GUCA1C: variants seen among roughly 807,000 people sequenced by gnomAD.
The protein encoded by GUCA1C is guanylyl cyclase-activating protein 3.
Under a neutral mutation model 16.2 loss-of-function variants are expected in GUCA1C, and 15 were observed. That is an observed-to-expected ratio of 0.93 (90% CI 0.62 to 1.43). The LOEUF (loss-of-function observed/expected upper bound fraction) is 1.43. Ranked by LOEUF, GUCA1C falls within the 40% of genes most tolerant of loss-of-function variation. The pLI, the probability that GUCA1C is intolerant of heterozygous loss-of-function variation, is 0.00. For synonymous variants in GUCA1C, 78 were observed against 85.4 expected (o/e 0.91, Z 0.48); for missense variants, 275 against 244.8 (o/e 1.12, Z -0.82).
At chr3:108,916,264 C>A (rs1238827484) in intron 2 of GUCA1C, 50 bp from the exon 3 acceptor site, 2 of 1,571,972 alleles carry the variant, frequency 1.3e-6, no homozygotes, top group Non-Finnish European at 1.7e-6. Flanking sequence ...GAAGCAAATA[C>A]ATTTTGCAAC....
rs1559841799 is a variant in GUCA1C at position 108,920,524 on chromosome 3, A to C, written c.266T>G (p.Met89Arg). Residue 89 changes from methionine (M) to arginine (R), a missense_variant, in exon 2 of 4, where the codon ATG (methionine) becomes AGG (arginine). Transcript: ENST00000261047. ...AAVNLIMQEK[M>R]EQKLKWYFKL... is the part of the protein sequence containing the mutation. ...AAAATACCATTTTAATTTTTGCTCC[A>C]TTTTTTCTTGCATGATTAGATTTAC... 5.7e-6 allele frequency: 9 copies of C among 1,591,900 alleles called. No individual in the cohort carries two copies. Among genetic ancestry groups the C allele is most frequent in the Non-Finnish European group, 7.8e-6 (9 of 1,160,302 alleles).
At chr3:108,954,965 T>C (rs1411768047), upstream of GUCA1C, among the ~76,000 whole-genome samples, 1 of 152,118 alleles carries the variant, frequency 6.6e-6, no homozygotes, top group African/African-American at 2.4e-5. Context: ...CTCGATCTCC[T>C]GACCTCATGA....
intron 1 of GUCA1C, among the ~76,000 whole-genome samples, chr3:108,935,458 A>C (rs997119930): frequency 6.6e-6 from 1 of 152,150 alleles, no homozygotes; most frequent in African/African-American, 2.4e-5. Flanking sequence ...TGGGAGGCCG[A>C]GGAAGGCAGA....
intron 1 of GUCA1C, among the ~76,000 whole-genome samples, chr3:108,949,337 C>T (rs183752777): frequency 1.3e-5 from 2 of 152,230 alleles, no homozygotes; most frequent in Non-Finnish European, 2.9e-5. Flanking sequence ...TCAATCTGAT[C>T]CAGGTGAAGA....
At chr3:108,949,428 A>C (rs1050242394) in intron 1 of GUCA1C, among the ~76,000 whole-genome samples, 2 of 152,186 alleles carry the variant, frequency 1.3e-5, no homozygotes, top group African/African-American at 4.8e-5. Context: ...GGAATCCCTG[A>C]GCCAAAGCCT....
chr3:108,935,296 A>T (rs1236905118), intron 1 of GUCA1C, among the ~76,000 whole-genome samples: 1 of 152,154 alleles, frequency 6.6e-6, no homozygotes, highest in Non-Finnish European at 1.5e-5. Context: ...CCTCAGCATC[A>T]TGCAAAATAC....
intron 1 of GUCA1C, among the ~76,000 whole-genome samples, chr3:108,952,760 C>G (rs950764316): frequency 6.6e-6 from 1 of 151,910 alleles, no homozygotes; most frequent in African/African-American, 2.4e-5. Context: ...TAGTCAATAT[C>G]TACACATTTT....
chr3:108,916,340 G>A, intron 2 of GUCA1C, 126 bp from the exon 3 acceptor site: 1 of 752,772 alleles, frequency 1.3e-6, no homozygotes, highest in Non-Finnish European at 2.2e-6. Flanking sequence ...TGTACCAGTT[G>A]TTAAAAGTAA....
At chr3:108,954,732 CTCCTT>C (rs1478150826), upstream of GUCA1C, among the ~76,000 whole-genome samples, 3 of 144,428 alleles carry the variant, frequency 2.1e-5, no homozygotes, top group African/African-American at 7.8e-5. Context: ...AATTATAGTT[CTCCTT>C]TTTTTTTTTT....
chr3:108,942,779 A>G (rs749440081), intron 1 of GUCA1C, among the ~76,000 whole-genome samples: 5 of 152,278 alleles, frequency 3.3e-5, no homozygotes, highest in Non-Finnish European at 4.4e-5. Context: ...TATCTTCCCC[A>G]CTAGATTGTA....
rs576721666 is a variant in GUCA1C at position 108,913,633 on chromosome 3, T to G, written c.442+2494A>C. Among the ~76,000 whole-genome samples, 14 of 152,310 alleles carry G rather than the reference T, an allele frequency of 9.2e-5. No homozygotes were observed. In the South Asian group the frequency reaches 1.9e-3, roughly 20 times the overall value. On this transcript the variant is annotated intron_variant, in intron 3 of 3. Transcript: ENST00000261047. Reference sequence around the variant, plus strand: ...CCAGCTGTCTCATGATGAAACGATGTAACAAATGTCAATAATTTTTATACA... The same window carrying G: ...CCAGCTGTCTCATGATGAAACGATGGAACAAATGTCAATAATTTTTATACA...
chr3:108,915,793 CTCCAGT>C (rs1320527530), intron 3 of GUCA1C: 1 of 345,768 alleles, frequency 2.9e-6, no homozygotes, highest in Admixed American at 4.7e-5. Context: ...GAGTTTTCCT[CTCCAGT>C]GGAGAGGAAC....
At chr3:108,910,447 G>A (rs1363621393) in intron 3 of GUCA1C, among the ~76,000 whole-genome samples, 2 of 151,012 alleles carry the variant, frequency 1.3e-5, no homozygotes, top group African/African-American at 2.4e-5. Context: ...GCAGTGAGCC[G>A]AGATGGCGCC....
intron 1 of GUCA1C, among the ~76,000 whole-genome samples, chr3:108,920,994 A>G (rs1275873223): frequency 6.6e-6 from 1 of 152,152 alleles, no homozygotes; most frequent in East Asian, 1.9e-4. Flanking sequence ...TTTGTATTTT[A>G]CATTCTGCAA....
intron 1 of GUCA1C, among the ~76,000 whole-genome samples, chr3:108,926,922 T>C (rs1199576938): frequency 2.0e-5 from 3 of 152,186 alleles, no homozygotes; most frequent in Non-Finnish European, 4.4e-5. Flanking sequence ...AGTGCTAGCT[T>C]GGTACTGGAG....
rs771419612 is a variant in GUCA1C at position 108,908,109 on chromosome 3, T to C, written c.543A>G (p.Val181=). The part of the protein sequence containing the change: ...KSFDFSNVLR[V]ICNGKQPDME... ...TGTCTGGCTGCTTCCCATTACAGAT[T>C]ACTCTCAGCACATTGGAGAAGTCGA... The change falls in exon 4 of 4, where the codon GTA becomes GTG. Residue 181 remains valine, a synonymous_variant. Coordinates refer to ENST00000261047, the MANE Select transcript of GUCA1C (RefSeq NM_005459.4). 4 of 1,613,640 alleles carry C rather than the reference T, an allele frequency of 2.5e-6. No individual in the cohort carries two copies. The South Asian group carries it at 3.3e-5, about 13-fold the overall frequency.
chr3:108,929,137 A>G (rs1470256521), intron 1 of GUCA1C, among the ~76,000 whole-genome samples: 1 of 151,984 alleles, frequency 6.6e-6, no homozygotes, highest in Non-Finnish European at 1.5e-5. Flanking sequence ...TTTTCCTCAT[A>G]TAGATTTTGT....
rs777508620 is a variant in GUCA1C at position 108,920,430 on chromosome 3, A to G, written c.354+6T>C. On this transcript the variant is annotated splice_donor_region_variant and intron_variant, in intron 2 of 3. Transcript: ENST00000261047. The stretch of plus-strand genomic sequence containing the variant: ...CCTGAAAAGGATACTTTACTACTTC[A>G]CTTACCATGAACATGTCCAGTAGTT... 1 of 1,604,466 alleles carries G rather than the reference A, an allele frequency of 6.2e-7. No homozygotes were observed.
intron 1 of GUCA1C, among the ~76,000 whole-genome samples, chr3:108,945,611 C>T (rs1206535169): frequency 6.6e-6 from 1 of 152,150 alleles, no homozygotes; most frequent in Non-Finnish European, 1.5e-5. Flanking sequence ...CCATCACTGA[C>T]CTCACCTAGT....
Sources: gnomAD v4.1 joint callset for allele counts (sites outside exome capture counted in the v4.1 genomes callset) on GRCh38, gnomAD v4.1.1 for gene constraint, MANE v1.5 for transcripts, NCBI Gene and HGNC (gene_info 2026-07-23, HGNC 2026-07-21) for gene names.